DACT2: variants seen among roughly 807,000 people sequenced by gnomAD.
DACT2 encodes the protein dapper homolog 2.
In DACT2, 20 loss-of-function variants were observed where a neutral mutation model predicts 22.2. That is an observed-to-expected ratio of 0.90 (90% CI 0.63 to 1.31). The LOEUF (loss-of-function observed/expected upper bound fraction) is 1.31. DACT2 is among the 50% of genes most tolerant of loss of function. The probability of loss-of-function intolerance (pLI) is 0.00; values close to 1 mark genes in which losing one functional copy is unlikely to be tolerated. For missense variants in DACT2, 1,048 were observed against 1,061.4 expected (o/e 0.99, Z 0.18); for synonymous variants, 463 against 479.8 (o/e 0.96, Z 0.46).
intron 1 of DACT2, among the ~76,000 whole-genome samples, 199 bp from the exon 2 acceptor site, chr6:168,311,483 C>T (rs1779396204): frequency 6.6e-6 from 1 of 151,934 alleles, no homozygotes; most frequent in African/African-American, 2.4e-5. Context: ...GAAAGCTCTA[C>T]TGACACCCAT....
chr6:168,300,678 A>C (rs1779086830), intron 3 of DACT2: 1 of 152,188 alleles, frequency 6.6e-6, no homozygotes, highest in South Asian at 2.1e-4. Context: ...TTTCTATAAG[A>C]ATATTCTGAT....
chr6:168,311,193 G>A lies in DACT2; in HGVS notation c.338C>T (p.Ala113Val). ...ISKLQLDVGT[A>V]SGEALDSDSR... Reference sequence around the variant, plus strand: ...GTCGCTGTCCAGGGCCTCCCCTGAGGCTGTGCCCACATCCAGCTGCAGCTT... The same window carrying A: ...GTCGCTGTCCAGGGCCTCCCCTGAGACTGTGCCCACATCCAGCTGCAGCTT... Residue 113 changes from alanine (A) to valine (V), a missense_variant, in exon 2 of 4, where the codon GCC (alanine) becomes GTC (valine). Ala to Val is a moderately conservative substitution (Grantham distance 64). Transcript: ENST00000366795. 1 of 1,549,084 alleles carries A rather than the reference G, an allele frequency of 6.5e-7. No homozygotes were observed.
exon 6 of DACT2, chr6:168,292,872 A>G (rs1423064847): frequency 1.3e-5 from 2 of 152,188 alleles, no homozygotes; most frequent in Non-Finnish European, 2.9e-5. Context: ...GAAGAAGAAA[A>G]CCATCACAGC....
intron 1 of DACT2, among the ~76,000 whole-genome samples, chr6:168,314,374 A>G (rs1449404386): frequency 6.6e-6 from 1 of 152,174 alleles, no homozygotes; most frequent in African/African-American, 2.4e-5. Flanking sequence ...AAGCCTCTCC[A>G]GGCAGTGGGA....
chr6:168,315,041 A>G (rs974821250), intron 1 of DACT2, among the ~76,000 whole-genome samples: 1 of 152,188 alleles, frequency 6.6e-6, no homozygotes. Context: ...CCCAAGAAAA[A>G]TGCCAGGCAT....
chr6:168,302,850 C>T (rs1021240557), downstream of DACT2, among the ~76,000 whole-genome samples: 2 of 152,160 alleles, frequency 1.3e-5, no homozygotes, highest in Admixed American at 6.5e-5. Flanking sequence ...TGGATAGTGG[C>T]GGGGCCCATG....
In DACT2 at chr6:168,308,539, C is replaced by T. The variant is rs1779293849; in HGVS notation, c.1218G>A (p.Gln406=). The T allele has an allele frequency of 6.4e-7, 1 of 1,550,992 alleles. No individual in the cohort carries two copies. The highest frequency in any genetic ancestry group is 8.7e-7 in the Non-Finnish European group (1 of 1,146,962). Residue 406 remains glutamine (Q), a synonymous_variant, in exon 4 of 4, where the codon CAG becomes CAA. Coordinates refer to ENST00000366795, the MANE Select transcript of DACT2 (RefSeq NM_214462.5). The stretch of plus-strand genomic sequence containing the variant: ...GGGGACCCTCAAGGGGCATGTATCC[C>T]TGCTGCTGGGGCCCGCCCCTGCCGG... The part of the protein sequence containing the change: ...RGAGRGGPQQ[Q]GYMPLEGPQQ...
intron 3 of DACT2, chr6:168,298,252 C>G (rs12204529): frequency 0.17 from 25,338 of 152,138 alleles, 2,225 homozygotes; most frequent in African/African-American, 0.22. Flanking sequence ...GCTTTAGATA[C>G]AGTTTTTACA....
downstream of DACT2, among the ~76,000 whole-genome samples, chr6:168,305,205 C>T (rs142329690): frequency 3.4e-4 from 52 of 152,292 alleles, no homozygotes; most frequent in African/African-American, 8.2e-4. Context: ...CCCGATGCAA[C>T]GGCTGCATTT....
intron 3 of DACT2, chr6:168,300,394 C>T (rs1205043759): frequency 6.6e-6 from 1 of 152,244 alleles, no homozygotes; most frequent in East Asian, 1.9e-4. Context: ...GTCATGGAAC[C>T]AGACACTTCC....
At chr6:168,306,867 C>T, downstream of DACT2, 4 of 986,116 alleles carry the variant, frequency 4.1e-6, no homozygotes, top group Non-Finnish European at 4.8e-6. Flanking sequence ...TATGGTGACC[C>T]TACCATGTGC....
In DACT2 at chr6:168,309,030, C is replaced by A. The variant is rs186887919; in HGVS notation, c.727G>T (p.Gly243Trp). The A allele has an allele frequency of 1.3e-6, 2 of 1,546,110 alleles. No homozygotes were observed. Among genetic ancestry groups the A allele is most frequent in the Non-Finnish European group, 1.7e-6 (2 of 1,146,640 alleles). ...QKASADAELL[G>W]LLCQGVDIPL... is the part of the protein sequence containing the mutation. ...ATATCCACCCCCTGGCAGAGGAGCC[C>A]GAGGAGCTCGGCGTCCGCGCTGGCT... Residue 243 changes from glycine to tryptophan, a missense_variant, in exon 4 of 4, where the codon GGG (glycine) becomes TGG (tryptophan). Transcript: ENST00000366795.
chr6:168,307,891 G>T lies in DACT2; in HGVS notation c.1866C>A (p.Ala622=), dbSNP rs1300381713. The T allele has an allele frequency of 1.2e-5, 18 of 1,501,454 alleles. No individual in the cohort carries two copies. The highest frequency in any genetic ancestry group is 1.6e-5 in the African/African-American group (1 of 61,592). 93.0% of individuals were successfully genotyped at this position (1,501,454 alleles called of 1,614,324 possible). Residue 622 remains alanine, a synonymous_variant, in exon 4 of 4, where the codon GCC becomes GCA. Transcript: ENST00000366795. This position sits in a 1 kb window ranked among gnomAD's most constrained non-coding sequence, Gnocchi z 5.3. ...TVEISARARL[A]SCPESNLGPP... is the part of the protein sequence containing the mutation. ...GCCCCAGGTTAGACTCAGGACAGCT[G>T]GCCAGGCGGGCCCGGGCCGAGATCT...
chr6:168,308,272 C>T lies in DACT2; in HGVS notation c.1485G>A (p.Lys495=), dbSNP rs1234777722. The T allele has an allele frequency of 6.4e-7, 1 of 1,552,300 alleles. No individual in the cohort carries two copies. The highest frequency in any genetic ancestry group is 1.7e-4 in the Middle Eastern group (1 of 5,996). Residue 495 remains lysine, a synonymous_variant, in exon 4 of 4, where the codon AAG becomes AAA. Transcript: ENST00000366795. ...ASLKMGPPKS[K]AEKIKRSPMD... ...TGGGACTTCTCTTGATTTTTTCAGCCTTGCTCTTGGGGGGACCCATTTTCA... is the reference window on the plus strand; with the variant it reads ...TGGGACTTCTCTTGATTTTTTCAGCTTTGCTCTTGGGGGGACCCATTTTCA...
intron 1 of DACT2, among the ~76,000 whole-genome samples, chr6:168,311,664 A>C (rs981521842): frequency 3.3e-5 from 5 of 151,486 alleles, no homozygotes; most frequent in African/African-American, 1.2e-4. Flanking sequence ...ACACCCATAC[A>C]CACATATACA....
chr6:168,304,702 G>T (rs920262465), downstream of DACT2, among the ~76,000 whole-genome samples: 1 of 152,186 alleles, frequency 6.6e-6, no homozygotes, highest in South Asian at 2.1e-4. Flanking sequence ...GCCAGCTTAC[G>T]CCTCCTTCCA....
At chr6:168,309,824 T>C (rs1366033636) in intron 3 of DACT2, among the ~76,000 whole-genome samples, 1 of 152,182 alleles carries the variant, frequency 6.6e-6, no homozygotes, top group East Asian at 1.9e-4. Context: ...GGGATCCAGG[T>C]GTGAGCCCGG....
At chr6:168,299,690 C>T (rs1205237574) in intron 3 of DACT2, 1 of 152,284 alleles carries the variant, frequency 6.6e-6, no homozygotes, top group Non-Finnish European at 1.5e-5. Flanking sequence ...TTTCAGCGAA[C>T]TCAGCGAACC....
chr6:168,310,584 T>C, intron 2 of DACT2, 138 bp from the exon 3 acceptor site: 1 of 1,180,958 alleles, frequency 8.5e-7, no homozygotes, highest in Non-Finnish European at 1.2e-6. Flanking sequence ...TGTGCCATCG[T>C]CCACACGGCC....
Sources: gnomAD v4.1 joint callset for allele counts (sites outside exome capture counted in the v4.1 genomes callset) on GRCh38, gnomAD v4.1.1 for gene constraint, Gnocchi (gnomAD v3.1) non-coding constraint, MANE v1.5 for transcripts, NCBI Gene and HGNC (gene_info 2026-07-23, HGNC 2026-07-21) for gene names.